Variants in DTD2 observed in about 807,000 individuals in gnomAD.
The protein encoded by DTD2 is D-aminoacyl-tRNA deacylase 2.
DTD2 carries 12 observed loss-of-function variants against 15.5 expected under a neutral mutation model. The ratio of observed to expected loss-of-function variants is 0.77; its 90% CI spans 0.50 to 1.25. The LOEUF (loss-of-function observed/expected upper bound fraction) is 1.25, where lower values mean the gene tolerates loss of function less well. Among genes scored for constraint, DTD2 ranks in the 50% most tolerant of loss-of-function variants. The probability of loss-of-function intolerance (pLI) is 0.00; values close to 1 mark genes in which losing one functional copy is unlikely to be tolerated. For missense variants in DTD2, 170 were observed against 201.1 expected (o/e 0.85, Z 0.93); for synonymous variants, 59 against 77.3 (o/e 0.76, Z 1.24).
chr14:31,456,505 G>A (rs1181108751), intron 1 of DTD2, among the ~76,000 whole-genome samples: 1 of 152,048 alleles, frequency 6.6e-6, no homozygotes, highest in Non-Finnish European at 1.5e-5. Flanking sequence ...AAAGGCGAGC[G>A]AATGAGATTT....
chr14:31,454,768 T>G (rs953948019), intron 1 of DTD2, among the ~76,000 whole-genome samples: 2 of 152,240 alleles, frequency 1.3e-5, no homozygotes, highest in Admixed American at 1.3e-4. Flanking sequence ...ATAACTTCTT[T>G]GGTATAAAAC....
rs370863357 is a variant in DTD2 at position 31,457,428 on chromosome 14, G to T, written c.-35C>A. 15 of 1,408,564 alleles carry T rather than the reference G, an allele frequency of 1.1e-5. No individual in the cohort carries two copies. In the African/African-American group the frequency reaches 2.2e-4, roughly 21 times the overall value. 87.3% of individuals were successfully genotyped at this position (1,408,564 alleles called of 1,614,324 possible). Reference sequence around the variant, plus strand: ...CAGCGCCGCGGCCGGACAGTTACTAGGCCATGTGTCGCTGGCCCCTCCCTC... The same window carrying T: ...CAGCGCCGCGGCCGGACAGTTACTATGCCATGTGTCGCTGGCCCCTCCCTC... On this transcript the variant is annotated 5_prime_UTR_variant, in exon 1 of 3. Coordinates refer to ENST00000310850, the MANE Select transcript of DTD2 (RefSeq NM_080664.3).
intron 1 of DTD2, among the ~76,000 whole-genome samples, chr14:31,456,371 T>G (rs1031397037): frequency 2.0e-5 from 3 of 151,874 alleles, no homozygotes; most frequent in Admixed American, 2.0e-4. Flanking sequence ...GGGCGACAGA[T>G]CGAGAATTCA....
At chr14:31,450,767 T>G (rs894652218) in intron 2 of DTD2, among the ~76,000 whole-genome samples, 1 of 152,056 alleles carries the variant, frequency 6.6e-6, no homozygotes, top group African/African-American at 2.4e-5. Context: ...TCCACAAGAG[T>G]CAGGGTGGAC....
At chr14:31,456,214 G>A (rs889018868) in intron 1 of DTD2, among the ~76,000 whole-genome samples, 1 of 151,974 alleles carries the variant, frequency 6.6e-6, no homozygotes, top group Admixed American at 6.6e-5. Flanking sequence ...CCAAAATGGC[G>A]AAACCCCGTC....
At chr14:31,450,219 T>A (rs977204627) in intron 2 of DTD2, among the ~76,000 whole-genome samples, 1 of 152,228 alleles carries the variant, frequency 6.6e-6, no homozygotes, top group Non-Finnish European at 1.5e-5. Flanking sequence ...AATTGAGATT[T>A]CAGTTAATGC....
At chr14:31,456,060 G>C (rs1487160215) in intron 1 of DTD2, among the ~76,000 whole-genome samples, 1 of 152,148 alleles carries the variant, frequency 6.6e-6, no homozygotes, top group Non-Finnish European at 1.5e-5. Flanking sequence ...TCTGATTTTA[G>C]AATAATCACC....
At chr14:31,449,502 T>C (rs2032004627) in intron 2 of DTD2, among the ~76,000 whole-genome samples, 1 of 152,208 alleles carries the variant, frequency 6.6e-6, no homozygotes, top group South Asian at 2.1e-4. Context: ...AAACGTGATA[T>C]TATTTTTGTA....
At position 31,457,268 on chromosome 14, in the gene DTD2, C is replaced by G; in HGVS notation, c.111+15G>C. 6.4e-7 allele frequency: 1 copy of G among 1,555,574 alleles called. No homozygotes were observed. The highest frequency in any genetic ancestry group is 8.7e-7 in the Non-Finnish European group (1 of 1,150,494). On this transcript the variant is annotated intron_variant, in intron 1 of 2. Transcript: ENST00000310850. ...GCACGCCGGAGGATAACGAGAGCTGCCGGGCTGACGTTACCTCCACCCACT... is the reference window on the plus strand; with the variant it reads ...GCACGCCGGAGGATAACGAGAGCTGGCGGGCTGACGTTACCTCCACCCACT...
intron 2 of DTD2, among the ~76,000 whole-genome samples, chr14:31,450,095 T>C (rs2032013406): frequency 6.6e-6 from 1 of 152,234 alleles, no homozygotes. Flanking sequence ...AATCACTATC[T>C]AGCTATCTAG....
intron 1 of DTD2, chr14:31,457,074 T>A (rs2032103269): frequency 5.2e-6 from 3 of 571,436 alleles, no homozygotes; most frequent in Non-Finnish European, 6.2e-6. Context: ...TCTCGGGTGC[T>A]ACAACTGGCG....
chr14:31,449,584 C>T (rs1170206458), intron 2 of DTD2, among the ~76,000 whole-genome samples: 2 of 152,088 alleles, frequency 1.3e-5, no homozygotes, highest in Non-Finnish European at 2.9e-5. Context: ...TAGCTAAAAG[C>T]CTAAACTTAG....
At chr14:31,448,954 C>T (rs1272582756) in intron 2 of DTD2, among the ~76,000 whole-genome samples, 3 of 152,254 alleles carry the variant, frequency 2.0e-5, no homozygotes, top group East Asian at 1.9e-4. Flanking sequence ...AGTGCAATGG[C>T]GTGATCTCTG....
rs1367097698 is a variant in DTD2, at chr14:31,448,081, T to G, written c.*48A>C. 1 of 1,428,256 alleles carries G rather than the reference T, an allele frequency of 7.0e-7. No individual in the cohort carries two copies. Among genetic ancestry groups the G allele is most frequent in the Admixed American group, 2.2e-5 (1 of 45,930 alleles). The allele number at this position is 1,428,256 out of a possible 1,614,324, so 88.5% of individuals were successfully genotyped here. A position where few individuals can be genotyped will look rare whatever the true frequency, so the allele number is the denominator to read the frequency against. On this transcript the variant is annotated 3_prime_UTR_variant, in exon 3 of 3. Transcript: ENST00000310850. ...AGGGGAAGAAAATCTAATTATACTT[T>G]AGATCATTTCATACCAGAAAACAGC...
At chr14:31,451,029 A>G (rs2032025892) in intron 2 of DTD2, among the ~76,000 whole-genome samples, 1 of 152,200 alleles carries the variant, frequency 6.6e-6, no homozygotes, top group African/African-American at 2.4e-5. Flanking sequence ...TTTATGGACC[A>G]AAAAAGATTT....
In DTD2 at chr14:31,450,646, T is replaced by G. The variant is rs147773546; in HGVS notation, c.182-2192A>C. Among the ~76,000 whole-genome samples the G allele has an allele frequency of 2.6e-5, 4 of 152,338 alleles. No individual in the cohort carries two copies. The East Asian group carries it at 7.7e-4, about 29-fold the overall frequency. The stretch of plus-strand genomic sequence containing the variant: ...ACAAGCTAATACTATTAATAATAGA[T>G]GGACTTACTTTGCTTACAACTCAAA... On this transcript the variant is annotated intron_variant, in intron 2 of 2. Transcript: ENST00000310850.
chr14:31,449,333 C>T (rs918858046), intron 2 of DTD2, among the ~76,000 whole-genome samples: 2 of 152,068 alleles, frequency 1.3e-5, no homozygotes, highest in Non-Finnish European at 2.9e-5. Flanking sequence ...TGTTTAATAA[C>T]CTTAAAGGCA....
chr14:31,451,658 C>T (rs974076239), intron 2 of DTD2, among the ~76,000 whole-genome samples: 1 of 152,156 alleles, frequency 6.6e-6, no homozygotes, highest in East Asian at 1.9e-4. Flanking sequence ...AAAATTCCCT[C>T]TAGGAGTTTT....
intron 1 of DTD2, among the ~76,000 whole-genome samples, chr14:31,456,466 A>G (rs779685469): frequency 7.2e-5 from 11 of 152,106 alleles, no homozygotes; most frequent in South Asian, 4.1e-4. Context: ...GTTTTAAGTA[A>G]TGCTAGATCT....
Sources: allele counts gnomAD v4.1 joint callset (sites outside exome capture counted in the v4.1 genomes callset), GRCh38; gene constraint gnomAD v4.1.1; transcripts MANE v1.5; gene names NCBI Gene and HGNC (gene_info 2026-07-23, HGNC 2026-07-21).